Variants in NFATC1 observed in about 807,000 individuals in gnomAD.
NFATC1 encodes the protein nuclear factor of activated T-cells, cytoplasmic 1.
NFATC1 carries 22 observed loss-of-function variants against 76.0 expected under a neutral mutation model. The ratio of observed to expected loss-of-function variants is 0.29; its 90% CI spans 0.21 to 0.41. The LOEUF (loss-of-function observed/expected upper bound fraction) is 0.41, where lower values mean the gene tolerates loss of function less well. Among genes scored for constraint, NFATC1 ranks in the 10% least tolerant of loss-of-function variants. The pLI is 1.00. For missense variants in NFATC1, 1,357 were observed against 1,337.7 expected (o/e 1.01, Z -0.23); for synonymous variants, 704 against 613.1 (o/e 1.15, Z -2.19).
intron 2 of NFATC1, among the ~76,000 whole-genome samples, chr18:79,419,882 A>G (rs1242641910): frequency 6.6e-6 from 1 of 152,224 alleles, no homozygotes; most frequent in African/African-American, 2.4e-5. Context: ...TTCACATTCA[A>G]AACCAGATCT....
chr18:79,512,267 A>G (rs1392098626), intron 9 of NFATC1, among the ~76,000 whole-genome samples: 1 of 152,152 alleles, frequency 6.6e-6, no homozygotes, highest in Non-Finnish European at 1.5e-5. Flanking sequence ...CGCCACAGGC[A>G]CTGCCCTGGG....
At chr18:79,509,020 A>C (rs1017646511) in intron 9 of NFATC1, among the ~76,000 whole-genome samples, 4 of 151,950 alleles carry the variant, frequency 2.6e-5, no homozygotes, top group African/African-American at 7.3e-5. Flanking sequence ...CTGCCGTGCC[A>C]GGTGTCTGTG....
intron 3 of NFATC1, among the ~76,000 whole-genome samples, chr18:79,441,868 G>T (rs2086988408): frequency 1.3e-5 from 2 of 152,066 alleles, no homozygotes; most frequent in East Asian, 1.9e-4. Flanking sequence ...TCTCAGCATG[G>T]ATTAATTGAT....
chr18:79,426,853 C>G (rs2086355669), intron 2 of NFATC1, among the ~76,000 whole-genome samples: 1 of 152,246 alleles, frequency 6.6e-6, no homozygotes, highest in Admixed American at 6.5e-5. Flanking sequence ...GCCCTGGCCC[C>G]AGGCCCCAGG....
At chr18:79,401,795 C>G (rs924002915) in intron 1 of NFATC1, among the ~76,000 whole-genome samples, 1 of 152,244 alleles carries the variant, frequency 6.6e-6, no homozygotes, top group South Asian at 2.1e-4. Flanking sequence ...GTGGGACCTC[C>G]CAGTACACCC....
chr18:79,522,203 GGT>G, intron 9 of NFATC1, among the ~76,000 whole-genome samples: 1 of 85,708 alleles, frequency 1.2e-5, no homozygotes, highest in Non-Finnish European at 2.3e-5. Context: ...TGTGGGGGGG[GGT>G]GTCCACTGAT....
intron 3 of NFATC1, among the ~76,000 whole-genome samples, chr18:79,445,197 G>A (rs371094409): frequency 3.3e-5 from 5 of 152,224 alleles, no homozygotes; most frequent in Admixed American, 6.5e-5. Flanking sequence ...TACAAGTACC[G>A]TGTGCTGTTG....
chr18:79,494,123 C>T (rs1216796811), intron 9 of NFATC1, among the ~76,000 whole-genome samples: 1 of 152,238 alleles, frequency 6.6e-6, no homozygotes, highest in Non-Finnish European at 1.5e-5. Context: ...TCGACTCACG[C>T]GTTTCAGTTC....
intron 8 of NFATC1, among the ~76,000 whole-genome samples, chr18:79,474,838 TCGC>T (rs1355901278): frequency 2.1e-5 from 3 of 141,550 alleles, no homozygotes; most frequent in African/African-American, 5.5e-5. Context: ...GTTCTCACGC[TCGC>T]TGTCAACGTA....
At chr18:79,505,251 A>G (rs1357174540) in intron 9 of NFATC1, among the ~76,000 whole-genome samples, 5 of 6,506 alleles carry the variant, frequency 7.7e-4, no homozygotes, top group Non-Finnish European at 1.1e-3. Context: ...GGTGGATGAG[A>G]CCCTTGGGTG....
chr18:79,484,831 A>G (rs2089446844), intron 8 of NFATC1, among the ~76,000 whole-genome samples: 1 of 151,774 alleles, frequency 6.6e-6, no homozygotes, highest in Non-Finnish European at 1.5e-5. Flanking sequence ...TGCCTTCACG[A>G]CCGCCGGGAC....
At position 79,451,085 on chromosome 18, in the gene NFATC1, G is replaced by T. The variant is rs147615148; in HGVS notation, c.1721G>T (p.Arg574Leu). ...GTTCACGTCCCGCAACCCAGCGGCC[G>T]CACGCTGTCCCTGCAGGTGGCCTCC... ...FRVHVPQPSG[R>L]TLSLQVASNP... is the part of the protein sequence containing the mutation. Residue 574 changes from arginine to leucine, a missense_variant, in exon 5 of 10, where the codon CGC (arginine) becomes CTC (leucine). Physicochemically the swap from Arg to Leu is moderately radical, Grantham distance 102. Transcript: ENST00000427363. 6.2e-7 allele frequency: 1 copy of T among 1,612,990 alleles called. No individual in the cohort carries two copies. Among genetic ancestry groups the T allele is most frequent in the Non-Finnish European group, 8.5e-7 (1 of 1,179,784 alleles).
intron 8 of NFATC1, among the ~76,000 whole-genome samples, chr18:79,472,539 G>A (rs1233923031): frequency 1.3e-5 from 2 of 152,240 alleles, no homozygotes; most frequent in Non-Finnish European, 2.9e-5. Flanking sequence ...AAGTTCTTGA[G>A]GTCTCTGCAG....
intron 8 of NFATC1, chr18:79,470,388 T>C (rs2088732261): frequency 6.6e-6 from 1 of 152,198 alleles, no homozygotes; most frequent in African/African-American, 2.4e-5. Flanking sequence ...GTCACGGCAG[T>C]GAGGGGCGGA....
chr18:79,467,621 C>A lies in NFATC1; in HGVS notation c.2092+39C>A, dbSNP rs182783833. On this transcript the variant is annotated intron_variant, in intron 8 of 9. Coordinates refer to ENST00000427363, the MANE Select transcript of NFATC1 (RefSeq NM_001278669.2). Reference sequence around the variant, plus strand: ...TCTAACCGTAAGCCGTGAACATGAGCGCGTGGGGTGCTTTTTCTAAAGACG... The same window carrying A: ...TCTAACCGTAAGCCGTGAACATGAGAGCGTGGGGTGCTTTTTCTAAAGACG... 4.4e-6 allele frequency: 7 copies of A among 1,605,986 alleles called. No individual in the cohort carries two copies. In the Admixed American group the frequency reaches 1.2e-4, roughly 27 times the overall value.
chr18:79,464,597 AC>A (rs1158323852), intron 7 of NFATC1, among the ~76,000 whole-genome samples: 1 of 135,672 alleles, frequency 7.4e-6, no homozygotes, highest in African/African-American at 2.8e-5. Flanking sequence ...GTGGATGTTC[AC>A]GCAGACACAC....
intron 9 of NFATC1, among the ~76,000 whole-genome samples, chr18:79,520,228 C>G (rs762285674): frequency 6.6e-6 from 1 of 152,110 alleles, no homozygotes; most frequent in Non-Finnish European, 1.5e-5. Context: ...CCGGGAGGTC[C>G]GGACGAAATG....
At chr18:79,426,830 T>C (rs1288964159) in intron 2 of NFATC1, among the ~76,000 whole-genome samples, 2 of 152,126 alleles carry the variant, frequency 1.3e-5, no homozygotes, top group East Asian at 3.9e-4. Context: ...GGCTGCCCCA[T>C]AGCAGCCACC....
chr18:79,446,952 G>A (rs1358259668), intron 3 of NFATC1, among the ~76,000 whole-genome samples: 2 of 152,184 alleles, frequency 1.3e-5, no homozygotes, highest in Non-Finnish European at 2.9e-5. Flanking sequence ...TGGGACCTGG[G>A]TCCCGGCTCA....
Sources: gnomAD v4.1 joint callset for allele counts (sites outside exome capture counted in the v4.1 genomes callset) on GRCh38, gnomAD v4.1.1 for gene constraint, MANE v1.5 for transcripts, NCBI Gene and HGNC (gene_info 2026-07-23, HGNC 2026-07-21) for gene names.